Variants in LRP1B observed in about 807,000 individuals in gnomAD.
The protein encoded by LRP1B is LDL receptor related protein 1B.
A neutral mutation model predicts 556.6 loss-of-function variants in LRP1B; 217 were observed. That is an observed-to-expected ratio of 0.39 (90% CI 0.35 to 0.44). The LOEUF (loss-of-function observed/expected upper bound fraction) is 0.44. Ranked by LOEUF, LRP1B falls within the 20% of genes least tolerant of loss-of-function variation. LRP1B has a pLI of 1.00. For synonymous variants in LRP1B, 2,047 were observed against 1,865.8 expected (o/e 1.10, Z -2.50); for missense variants, 5,053 against 5,620.8 (o/e 0.90, Z 3.23).
intron 41 of LRP1B, among the ~76,000 whole-genome samples, chr2:140,603,520 G>C (rs1682752245): frequency 6.6e-6 from 1 of 152,052 alleles, no homozygotes; most frequent in Non-Finnish European, 1.5e-5. Context: ...AAGCAAATGA[G>C]AATAATCCAT....
chr2:141,659,649 T>C (rs140488732), intron 2 of LRP1B, among the ~76,000 whole-genome samples: 5 of 152,200 alleles, frequency 3.3e-5, no homozygotes, highest in Admixed American at 6.5e-5. Context: ...GAGAATGGCA[T>C]ACTCCTTCCT....
chr2:141,353,270 T>C (rs1273919507), intron 3 of LRP1B, among the ~76,000 whole-genome samples: 1 of 151,938 alleles, frequency 6.6e-6, no homozygotes, highest in Non-Finnish European at 1.5e-5. Flanking sequence ...CTTACTCTTG[T>C]CATTCTTTCA....
At chr2:141,343,217 T>C (rs1184328959) in intron 3 of LRP1B, among the ~76,000 whole-genome samples, 1 of 152,214 alleles carries the variant, frequency 6.6e-6, no homozygotes, top group Non-Finnish European at 1.5e-5. Context: ...CATTTCAGCA[T>C]TGTAGTTTTC....
chr2:141,144,963 T>C (rs1406023014), intron 7 of LRP1B, among the ~76,000 whole-genome samples: 1 of 152,220 alleles, frequency 6.6e-6, no homozygotes, highest in African/African-American at 2.4e-5. Flanking sequence ...TTAGTACTCT[T>C]TTTGTTGACT....
chr2:141,460,142 A>G (rs796351920), intron 3 of LRP1B, among the ~76,000 whole-genome samples: 15 of 152,294 alleles, frequency 9.8e-5, no homozygotes, highest in African/African-American at 3.6e-4. Flanking sequence ...ACAATGCGTT[A>G]CATTCAACTT....
chr2:142,052,986 A>T (rs2105234753), intron 1 of LRP1B, among the ~76,000 whole-genome samples: 1 of 152,280 alleles, frequency 6.6e-6, no homozygotes, highest in East Asian at 1.9e-4. Flanking sequence ...AGCTTACTTA[A>T]ATCTTAAATC....
At chr2:140,466,520 G>A (rs78643318) in intron 60 of LRP1B, among the ~76,000 whole-genome samples, 2,339 of 152,124 alleles carry the variant, frequency 0.015, 61 homozygotes, top group African/African-American at 0.051. Flanking sequence ...TTTAAATGAC[G>A]AGCTGTAGTG....
chr2:141,415,008 C>CTTTTG (rs201456585), intron 3 of LRP1B, among the ~76,000 whole-genome samples: 2,635 of 150,334 alleles, frequency 0.018, 80 homozygotes, highest in African/African-American at 0.057. Context: ...TTCTAATGTA[C>CTTTTG]TTTTGTTTTG....
chr2:140,607,595 G>A (rs1682914303), intron 41 of LRP1B, among the ~76,000 whole-genome samples: 1 of 151,280 alleles, frequency 6.6e-6, no homozygotes, highest in Admixed American at 6.6e-5. Flanking sequence ...TATAAAAACT[G>A]AAGCACACAT....
chr2:141,362,243 T>G (rs879376968), intron 3 of LRP1B, among the ~76,000 whole-genome samples: 9 of 152,218 alleles, frequency 5.9e-5, no homozygotes, highest in Non-Finnish European at 1.0e-4. Flanking sequence ...TTAAACTTGT[T>G]TTGGTCCTAT....
At chr2:140,774,333 A>G (rs1689418045) in intron 33 of LRP1B, among the ~76,000 whole-genome samples, 1 of 152,142 alleles carries the variant, frequency 6.6e-6, no homozygotes, top group African/African-American at 2.4e-5. Flanking sequence ...AGAACACCCA[A>G]TTATACCTAT....
At chr2:140,906,764 A>G (rs79066655) in intron 22 of LRP1B, among the ~76,000 whole-genome samples, 20,480 of 152,028 alleles carry the variant, frequency 0.13, 2,193 homozygotes, top group East Asian at 0.31. Context: ...TACAAAGAAT[A>G]AGCTGGGCAA....
At chr2:140,642,623 C>T (rs561613265) in intron 41 of LRP1B, among the ~76,000 whole-genome samples, 1 of 152,046 alleles carries the variant, frequency 6.6e-6, no homozygotes, top group African/African-American at 2.4e-5. Flanking sequence ...GGGCGGATCA[C>T]GAAGTCAGGA....
chr2:141,516,793 G>T (rs1338217302), intron 2 of LRP1B, among the ~76,000 whole-genome samples: 4 of 150,058 alleles, frequency 2.7e-5, no homozygotes, highest in African/African-American at 4.9e-5. Flanking sequence ...CGCCTCCCAG[G>T]CTCAAGTGAT....
At chr2:141,630,509 A>G (rs924096656) in intron 2 of LRP1B, among the ~76,000 whole-genome samples, 1 of 152,180 alleles carries the variant, frequency 6.6e-6, no homozygotes, top group African/African-American at 2.4e-5. Flanking sequence ...TTTCATTCTG[A>G]TATAGCAAAG....
intron 42 of LRP1B, among the ~76,000 whole-genome samples, chr2:140,599,678 G>A (rs1446787207): frequency 6.6e-6 from 1 of 152,028 alleles, no homozygotes; most frequent in East Asian, 1.9e-4. Flanking sequence ...TAAAAGTTAT[G>A]CATAGAATGT....
At chr2:141,507,721 T>A (rs1221445873) in intron 2 of LRP1B, among the ~76,000 whole-genome samples, 1 of 152,148 alleles carries the variant, frequency 6.6e-6, no homozygotes, top group Non-Finnish European at 1.5e-5. Flanking sequence ...TATATAGTTT[T>A]TGAGTACCTA....
At chr2:142,052,483 T>G (rs997280785) in intron 1 of LRP1B, among the ~76,000 whole-genome samples, 17 of 152,166 alleles carry the variant, frequency 1.1e-4, no homozygotes, top group Non-Finnish European at 2.2e-4. Context: ...CATCCCAGAT[T>G]ATCCTCAGAG....
At chr2:140,766,832 T>TA (rs1689124423) in intron 35 of LRP1B, among the ~76,000 whole-genome samples, 3 of 22,832 alleles carry the variant, frequency 1.3e-4, no homozygotes, top group African/African-American at 2.5e-4. Flanking sequence ...AATATATATA[T>TA]ATATATATAT....
Sources: gnomAD v4.1 joint callset for allele counts (sites outside exome capture counted in the v4.1 genomes callset) on GRCh38, gnomAD v4.1.1 for gene constraint, MANE v1.5 for transcripts, NCBI Gene and HGNC (gene_info 2026-07-23, HGNC 2026-07-21) for gene names.